Variants in RORA observed in about 807,000 individuals in gnomAD.
RORA encodes the protein nuclear receptor ROR-alpha.
RORA carries 7 observed loss-of-function variants against 69.5 expected under a neutral mutation model. The ratio of observed to expected loss-of-function variants is 0.10; its 90% CI spans 0.06 to 0.19. RORA has a LOEUF of 0.19. Among genes scored for constraint, RORA ranks in the 10% least tolerant of loss-of-function variants. The pLI is 1.00. For synonymous variants in RORA, 261 were observed against 240.8 expected (o/e 1.08, Z -0.78); for missense variants, 457 against 663.0 (o/e 0.69, Z 3.41).
At chr15:60,548,585 T>TG (rs2067139850) in intron 2 of RORA, among the ~76,000 whole-genome samples, 2 of 152,230 alleles carry the variant, frequency 1.3e-5, no homozygotes, top group Admixed American at 1.3e-4. Flanking sequence ...CCTCAAGTGC[T>TG]GGGAGGCACG....
intron 1 of RORA, among the ~76,000 whole-genome samples, chr15:60,968,272 T>C (rs547522774): frequency 1.4e-4 from 22 of 152,260 alleles, no homozygotes; most frequent in Admixed American, 5.9e-4. Flanking sequence ...GGAGCAAATA[T>C]GGACAGAAGG....
chr15:61,146,683 C>CA (rs1379938355), intron 1 of RORA, among the ~76,000 whole-genome samples: 3 of 152,112 alleles, frequency 2.0e-5, no homozygotes, highest in African/African-American at 7.2e-5. Context: ...AGAAAAGCAA[C>CA]AAAAAATAAT....
rs1340835458 is a variant in RORA, at chr15:60,493,436, A to G, written c.*4019T>C. ...AATGAAGAACATGTGCAAAAAAGCA[A>G]CAATGAGAGAAGCTTACATACTACT... On this transcript the variant is annotated 3_prime_UTR_variant, in exon 11 of 11. Coordinates refer to ENST00000335670, the MANE Select transcript of RORA (RefSeq NM_134261.3). 1.3e-5 allele frequency: 2 copies of G among 152,230 alleles called. No homozygotes were observed. Among genetic ancestry groups the G allele is most frequent in the Non-Finnish European group, 2.9e-5 (2 of 68,038 alleles). 9.4% of individuals were successfully genotyped at this position (152,230 alleles called of 1,614,324 possible). A position where few individuals can be genotyped will look rare whatever the true frequency, so the allele number is the denominator to read the frequency against.
chr15:60,637,565 A>T (rs2069863443), intron 2 of RORA, among the ~76,000 whole-genome samples: 1 of 152,154 alleles, frequency 6.6e-6, no homozygotes, highest in South Asian at 2.1e-4. Context: ...ATTTTTCAAA[A>T]ATATTTCTTG....
chr15:60,620,230 G>C (rs1047390868), intron 2 of RORA, among the ~76,000 whole-genome samples: 1 of 152,194 alleles, frequency 6.6e-6, no homozygotes, highest in Non-Finnish European at 1.5e-5. Context: ...CCATCAAATG[G>C]AAAGTAAGTG....
intron 2 of RORA, among the ~76,000 whole-genome samples, chr15:60,575,914 C>T (rs1317859311): frequency 2.0e-5 from 3 of 152,198 alleles, no homozygotes; most frequent in African/African-American, 4.8e-5. Flanking sequence ...TTTTTAACCA[C>T]GAATGGGCAT....
At chr15:60,890,529 T>C (rs1333235308) in intron 1 of RORA, among the ~76,000 whole-genome samples, 2 of 152,208 alleles carry the variant, frequency 1.3e-5, no homozygotes, top group East Asian at 3.9e-4. Context: ...AGAACATGTG[T>C]TCCTGTGGTC....
intron 1 of RORA, among the ~76,000 whole-genome samples, chr15:60,771,602 A>C (rs1330226842): frequency 1.3e-5 from 2 of 152,126 alleles, no homozygotes; most frequent in Non-Finnish European, 2.9e-5. Flanking sequence ...CATGTTTCTC[A>C]CACTTCTTTC....
intron 1 of RORA, among the ~76,000 whole-genome samples, chr15:60,730,160 CT>C (rs1477932736): frequency 6.6e-6 from 1 of 152,184 alleles, no homozygotes; most frequent in African/African-American, 2.4e-5. Context: ...TCTTGTCTTC[CT>C]TCAGTTGACT....
At chr15:60,775,087 T>A (rs1168089326) in intron 1 of RORA, among the ~76,000 whole-genome samples, 1 of 152,218 alleles carries the variant, frequency 6.6e-6, no homozygotes, top group East Asian at 1.9e-4. Context: ...TGCCAGAATA[T>A]CTTTTACCTT....
intron 2 of RORA, chr15:60,677,183 C>T (rs1433476135): frequency 4.4e-6 from 2 of 456,054 alleles, no homozygotes; most frequent in Admixed American, 2.3e-5. Context: ...GGGCCAGGGA[C>T]GAGCTCATGG....
intron 1 of RORA, among the ~76,000 whole-genome samples, chr15:60,800,077 C>T (rs1227641917): frequency 1.3e-5 from 2 of 152,236 alleles, no homozygotes; most frequent in African/African-American, 4.8e-5. Context: ...ACCTCGTATT[C>T]AGCCACCCTC....
rs181511771 is a variant in RORA at position 60,544,316 on chromosome 15, G to A, written c.197-12465C>T. Among the ~76,000 whole-genome samples the A allele has an allele frequency of 3.3e-5, 5 of 152,302 alleles. No individual in the cohort carries two copies. In the East Asian group the frequency reaches 9.6e-4, roughly 29 times the overall value. The stretch of plus-strand genomic sequence containing the variant: ...AGGTTTCATCTCGTCAGGGAAAAGG[G>A]ATAGAAAGTGGAAGAGAATTCTACC... On this transcript the variant is annotated intron_variant, in intron 2 of 10. Coordinates refer to ENST00000335670, the MANE Select transcript of RORA (RefSeq NM_134261.3).
chr15:60,943,217 AG>A (rs982174542), intron 1 of RORA, among the ~76,000 whole-genome samples: 1 of 152,216 alleles, frequency 6.6e-6, no homozygotes, highest in Admixed American at 6.5e-5. Context: ...GGCAAAAACC[AG>A]GGTGCTGAGG....
chr15:60,733,540 T>C (rs1470596575), intron 1 of RORA, among the ~76,000 whole-genome samples: 2 of 152,184 alleles, frequency 1.3e-5, no homozygotes, highest in African/African-American at 2.4e-5. Context: ...GTTGTCAATA[T>C]TGGGGGATTA....
At chr15:60,637,703 A>C (rs890344794) in intron 2 of RORA, among the ~76,000 whole-genome samples, 1 of 152,160 alleles carries the variant, frequency 6.6e-6, no homozygotes, top group Non-Finnish European at 1.5e-5. Context: ...CACATATGCA[A>C]GATTCTTTTT....
chr15:60,551,424 T>C (rs1170751429), intron 2 of RORA, among the ~76,000 whole-genome samples: 1 of 152,128 alleles, frequency 6.6e-6, no homozygotes, highest in African/African-American at 2.4e-5. Flanking sequence ...AGTTAAAACC[T>C]GCCATTTCTA....
At chr15:61,085,773 C>G (rs1185392562) in intron 1 of RORA, among the ~76,000 whole-genome samples, 2 of 152,212 alleles carry the variant, frequency 1.3e-5, no homozygotes, top group Admixed American at 1.3e-4. Flanking sequence ...TTTTGTTTTT[C>G]CATGCCCCCA....
chr15:61,076,428 ACTT>A (rs2078450881), intron 1 of RORA, among the ~76,000 whole-genome samples: 1 of 151,488 alleles, frequency 6.6e-6, no homozygotes, highest in Non-Finnish European at 1.5e-5. Flanking sequence ...CGTTTCAACA[ACTT>A]CTATCATCAG....
Sources: gnomAD v4.1 joint callset for allele counts (sites outside exome capture counted in the v4.1 genomes callset) on GRCh38, gnomAD v4.1.1 for gene constraint, MANE v1.5 for transcripts, NCBI Gene and HGNC (gene_info 2026-07-23, HGNC 2026-07-21) for gene names.